Variants in ADORA2B observed in about 807,000 individuals in gnomAD.
The protein encoded by ADORA2B is adenosine receptor A2b.
ADORA2B carries 18 observed loss-of-function variants against 20.8 expected under a neutral mutation model. The observed-to-expected ratio is 0.87, with a 90% CI of 0.60 to 1.29. ADORA2B has a LOEUF of 1.29. Ranked by LOEUF, ADORA2B falls within the 50% of genes most tolerant of loss-of-function variation. The pLI is 0.00. For missense variants in ADORA2B, 441 were observed against 422.7 expected, an observed-to-expected ratio of 1.04 and a Z score of -0.38; for synonymous variants, 179 against 178.3, an observed-to-expected ratio of 1.00 and a Z score of -0.03.
At chr17:15,869,164 A>G in the ADORA2B span, among the ~76,000 whole-genome samples, 3 of 150,832 alleles carry the variant, frequency 2.0e-5, no homozygotes, top group African/African-American at 4.9e-5. Flanking sequence ...TACTAAAAAT[A>G]TAAAAATTAG....
the ADORA2B span, among the ~76,000 whole-genome samples, chr17:15,850,985 A>C: frequency 2.6e-5 from 4 of 152,238 alleles, no homozygotes; most frequent in East Asian, 7.7e-4. Context: ...TGAATAAAGG[A>C]ATATGTCTGA....
At chr17:15,859,437 C>T in the ADORA2B span, among the ~76,000 whole-genome samples, 2 of 150,652 alleles carry the variant, frequency 1.3e-5, no homozygotes, top group Admixed American at 6.6e-5. Flanking sequence ...CCACTCCCAA[C>T]TTTAGTACCC....
chr17:15,945,382 T>G lies in ADORA2B; in HGVS notation c.134T>G (p.Phe45Cys), dbSNP rs571313183. The G allele has an allele frequency of 1.2e-6, 2 of 1,613,012 alleles. No homozygotes were observed. The highest frequency in any genetic ancestry group is 3.3e-5 in the Admixed American group (2 of 60,022). Residue 45 changes from phenylalanine to cysteine, a missense_variant, in exon 1 of 2, where the codon TTC (phenylalanine) becomes TGC (cysteine). Transcript: ENST00000304222. The part of the protein sequence containing the change: ...ANTLQTPTNY[F>C]LVSLAAADVA... ...ACTCTGCAGACGCCCACCAACTACT[T>G]CCTGGTGTCCCTGGCTGCGGCCGAC... is the stretch of plus-strand genomic sequence containing the variant.
At chr17:15,897,728 A>G in the ADORA2B span, among the ~76,000 whole-genome samples, 2 of 152,192 alleles carry the variant, frequency 1.3e-5, no homozygotes, top group Non-Finnish European at 1.5e-5. Flanking sequence ...TGATCAGGAA[A>G]ATCTAAGCAG....
intron 1 of ADORA2B, among the ~76,000 whole-genome samples, chr17:15,956,959 T>C (rs1485077262): frequency 6.6e-6 from 1 of 152,190 alleles, no homozygotes; most frequent in East Asian, 1.9e-4. Flanking sequence ...AGGTGGAACT[T>C]GGAATGCCAA....
chr17:15,943,237 G>A (rs1969760256), upstream of ADORA2B, among the ~76,000 whole-genome samples: 1 of 152,228 alleles, frequency 6.6e-6, no homozygotes, highest in Non-Finnish European at 1.5e-5. Flanking sequence ...GAGGTCTACT[G>A]TGTGTGTTTT....
the ADORA2B span, among the ~76,000 whole-genome samples, chr17:15,856,189 G>GT: frequency 6.6e-6 from 1 of 151,640 alleles, no homozygotes; most frequent in African/African-American, 2.4e-5. Flanking sequence ...TTTTATAAGT[G>GT]TTTGACAGTT....
At chr17:15,915,152 C>A in the ADORA2B span, among the ~76,000 whole-genome samples, 3 of 152,222 alleles carry the variant, frequency 2.0e-5, no homozygotes, top group African/African-American at 7.2e-5. Flanking sequence ...TCTTGCCATT[C>A]CCAGCCTCCA....
At chr17:15,932,922 A>AG in the ADORA2B span, among the ~76,000 whole-genome samples, 1 of 151,996 alleles carries the variant, frequency 6.6e-6, no homozygotes, top group East Asian at 1.9e-4. Flanking sequence ...ATAAAAATAA[A>AG]GGGAAAAAAA....
At chr17:15,923,405 A>ATT in the ADORA2B span, among the ~76,000 whole-genome samples, 159 of 120,454 alleles carry the variant, frequency 1.3e-3, no homozygotes, top group African/African-American at 5.7e-3. Context: ...ATATATATAT[A>ATT]TATTTTTTTT....
the ADORA2B span, among the ~76,000 whole-genome samples, chr17:15,854,538 C>T: frequency 1.8e-3 from 281 of 152,280 alleles, 2 homozygotes; most frequent in African/African-American, 6.4e-3. Flanking sequence ...AAATATTGGA[C>T]GCTTTCCCAC....
At chr17:15,896,210 T>A in the ADORA2B span, among the ~76,000 whole-genome samples, 639 of 152,176 alleles carry the variant, frequency 4.2e-3, 2 homozygotes, top group African/African-American at 0.015. Context: ...ACAAAACACT[T>A]GAGAAATTAT....
chr17:15,935,905 C>T, the ADORA2B span, among the ~76,000 whole-genome samples: 10 of 142,554 alleles, frequency 7.0e-5, no homozygotes, highest in East Asian at 2.0e-4. Flanking sequence ...CTCGCTCTGT[C>T]GCCCAGGCTG....
At position 15,974,806 on chromosome 17, in the gene ADORA2B, A is replaced by C; in HGVS notation, c.463A>C (p.Thr155Pro). ...TAAAGACAGTGCCACCAACAACTGC[A>C]CAGAACCCTGGGATGGAACCACGAA... ...NSKDSATNNCTEPWDGTTNES... is the reference protein window; with the variant it reads ...NSKDSATNNCPEPWDGTTNES... The change falls in exon 2 of 2, where the codon ACA (threonine) becomes CCA (proline). Residue 155 changes from threonine (T) to proline (P), a missense_variant. Coordinates refer to ENST00000304222, the MANE Select transcript of ADORA2B (RefSeq NM_000676.4). The C allele has an allele frequency of 1.2e-6, 2 of 1,614,144 alleles. No individual in the cohort carries two copies. Among genetic ancestry groups the C allele is most frequent in the Non-Finnish European group, 8.5e-7 (1 of 1,180,040 alleles).
the ADORA2B span, among the ~76,000 whole-genome samples, chr17:15,914,213 C>A: frequency 1.3e-5 from 2 of 152,144 alleles, no homozygotes; most frequent in African/African-American, 4.8e-5. Flanking sequence ...AAAAAAAATT[C>A]TTTGAGACAA....
chr17:15,882,090 G>A, the ADORA2B span, among the ~76,000 whole-genome samples: 7 of 152,232 alleles, frequency 4.6e-5, no homozygotes, highest in Admixed American at 1.3e-4. Flanking sequence ...TTAAGGAAAA[G>A]GGGAGAGTGT....
the ADORA2B span, among the ~76,000 whole-genome samples, chr17:15,914,491 C>T: frequency 6.6e-6 from 1 of 152,182 alleles, no homozygotes. Flanking sequence ...AAGTGTGAGC[C>T]ACTGTGCCCA....
chr17:15,865,084 T>C, the ADORA2B span, among the ~76,000 whole-genome samples: 3 of 152,120 alleles, frequency 2.0e-5, no homozygotes, highest in African/African-American at 7.2e-5. Context: ...CCAAATATTT[T>C]CTTTCTGTTG....
intron 1 of ADORA2B, among the ~76,000 whole-genome samples, chr17:15,969,742 CTCGAG>C (rs1412473659): frequency 3.3e-5 from 5 of 152,250 alleles, no homozygotes; most frequent in Non-Finnish European, 5.9e-5. Context: ...CCGACGTTGT[CTCGAG>C]TCAACTACCG....
Sources: allele counts gnomAD v4.1 joint callset (sites outside exome capture counted in the v4.1 genomes callset), GRCh38; gene constraint gnomAD v4.1.1; transcripts MANE v1.5; gene names NCBI Gene and HGNC (gene_info 2026-07-23, HGNC 2026-07-21).